Variants in TVP23A observed in about 807,000 individuals in gnomAD.
TVP23A encodes the protein Golgi apparatus membrane protein TVP23 homolog A.
Under a neutral mutation model 31.7 loss-of-function variants are expected in TVP23A, and 21 were observed. The ratio of observed to expected loss-of-function variants is 0.66; its 90% CI spans 0.47 to 0.95. The LOEUF is 0.95. Ranked by LOEUF, TVP23A falls within the 40% of genes least tolerant of loss-of-function variation. TVP23A has a pLI of 0.00. For synonymous variants in TVP23A, 104 were observed against 96.0 expected (o/e 1.08, Z -0.49); for missense variants, 279 against 255.6 (o/e 1.09, Z -0.62).
chr16:10,813,426 T>C (rs2034288724), intron 2 of TVP23A, among the ~76,000 whole-genome samples: 1 of 152,192 alleles, frequency 6.6e-6, no homozygotes, highest in Non-Finnish European at 1.5e-5. Context: ...CACTCTATAC[T>C]AGCGATTCTT....
intron 2 of TVP23A, among the ~76,000 whole-genome samples, chr16:10,801,015 C>T (rs2033669942): frequency 6.6e-6 from 1 of 152,082 alleles, no homozygotes; most frequent in Non-Finnish European, 1.5e-5. Context: ...GTTAAAAAAA[C>T]AGTATTCCTG....
chr16:10,818,375 C>T lies in TVP23A; in HGVS notation c.9+110G>A. The T allele has an allele frequency of 6.7e-7, 1 of 1,498,158 alleles. No individual in the cohort carries two copies. The highest frequency in any genetic ancestry group is 9.0e-7 in the Non-Finnish European group (1 of 1,108,122). The allele number at this position is 1,498,158 out of a possible 1,614,324, so 92.8% of individuals were successfully genotyped here. On this transcript the variant is annotated intron_variant, in intron 1 of 7. Transcript: ENST00000299866. This position sits in a 1 kb window ranked among gnomAD's most constrained non-coding sequence, Gnocchi z 4.7. ...CACCCTCCCGACCACCGGGTGCAGCCCAGCCCCAGGCCCCGGCGCATCCCT... is the reference window on the plus strand; with the variant it reads ...CACCCTCCCGACCACCGGGTGCAGCTCAGCCCCAGGCCCCGGCGCATCCCT...
intron 2 of TVP23A, among the ~76,000 whole-genome samples, chr16:10,791,567 A>G (rs1181107086): frequency 6.6e-6 from 1 of 152,160 alleles, no homozygotes; most frequent in Non-Finnish European, 1.5e-5. Context: ...GGAAAAGGCT[A>G]CCTCGGACCA....
chr16:10,815,871 C>A (rs1193465811), intron 2 of TVP23A, among the ~76,000 whole-genome samples: 4 of 152,186 alleles, frequency 2.6e-5, no homozygotes, highest in African/African-American at 7.2e-5. Context: ...TTTGCAGTGT[C>A]TTCCCTTAAA....
intron 2 of TVP23A, among the ~76,000 whole-genome samples, chr16:10,809,494 AG>A (rs2034097637): frequency 6.6e-6 from 1 of 152,384 alleles, no homozygotes; most frequent in African/African-American, 2.4e-5. Context: ...CTGTGATTCA[AG>A]GTAACCCATA....
intron 2 of TVP23A, among the ~76,000 whole-genome samples, chr16:10,807,543 C>G (rs1420980624): frequency 6.6e-6 from 1 of 152,134 alleles, no homozygotes; most frequent in African/African-American, 2.4e-5. Flanking sequence ...ATTGTCACAT[C>G]TGAGGGGTTG....
intron 2 of TVP23A, chr16:10,800,177 C>A (rs1418397678): frequency 6.6e-6 from 1 of 151,936 alleles, no homozygotes; most frequent in African/African-American, 2.4e-5. Context: ...CCTGCCTTGG[C>A]CTCCCAAAGT....
chr16:10,817,354 G>A (rs1471136884), intron 2 of TVP23A, among the ~76,000 whole-genome samples: 3 of 152,224 alleles, frequency 2.0e-5, no homozygotes, highest in East Asian at 1.9e-4. Context: ...GCCAGGGCTC[G>A]TCCCATGCCT....
chr16:10,775,755 T>C (rs2031970284), intron 2 of TVP23A, among the ~76,000 whole-genome samples: 2 of 145,418 alleles, frequency 1.4e-5, no homozygotes, highest in Middle Eastern at 3.4e-3. Context: ...TTTTTTTTTT[T>C]TTTTTTTTTT....
At chr16:10,761,133 T>G (rs1337368907), downstream of TVP23A, 1 of 420,086 alleles carries the variant, frequency 2.4e-6, no homozygotes, top group South Asian at 2.4e-5. Context: ...GCCCCCATGA[T>G]CCAATCACCT....
chr16:10,773,310 T>C lies in TVP23A; in HGVS notation c.453+3A>G. ...CAATGTGGAAGTCAAGATCTGGCCT[T>C]ACCAGCCACTTTAGCTTCAAGGAAA... On this transcript the variant is annotated splice_donor_region_variant and intron_variant, in intron 5 of 7. Transcript: ENST00000299866. 1 of 1,602,302 alleles carries C rather than the reference T, an allele frequency of 6.2e-7. No homozygotes were observed.
intron 2 of TVP23A, among the ~76,000 whole-genome samples, chr16:10,786,260 T>C (rs2032745734): frequency 6.6e-6 from 1 of 152,168 alleles, no homozygotes; most frequent in South Asian, 2.1e-4. Flanking sequence ...AATTCGGCAG[T>C]GATCTAACAA....
downstream of TVP23A, among the ~76,000 whole-genome samples, chr16:10,760,665 A>G (rs1900885397): frequency 1.3e-5 from 2 of 152,150 alleles, no homozygotes; most frequent in African/African-American, 4.8e-5. Flanking sequence ...TGAGCCCAGG[A>G]GGTCAAGGCT....
intron 2 of TVP23A, among the ~76,000 whole-genome samples, chr16:10,789,552 G>C (rs768677836): frequency 6.6e-6 from 1 of 151,714 alleles, no homozygotes; most frequent in Non-Finnish European, 1.5e-5. Context: ...ATTGGGGCTG[G>C]GTGTGGTGAT....
chr16:10,785,281 G>A lies in TVP23A; in HGVS notation c.90-10185C>T, dbSNP rs182189527. 4.6e-3 allele frequency among the ~76,000 whole-genome samples: 693 copies of A among 152,194 alleles called. 1 individual carries two copies. The highest frequency in any genetic ancestry group is 0.016 in the African/African-American group (651 of 41,510). On this transcript the variant is annotated intron_variant, in intron 2 of 7. Transcript: ENST00000299866. The stretch of plus-strand genomic sequence containing the variant: ...TAGCCAGGTTTGGTGGCGGAAGCCT[G>A]TAATCCCAGCTACTCAGGAGGCTGA...
intron 2 of TVP23A, among the ~76,000 whole-genome samples, chr16:10,808,322 A>T (rs1300527023): frequency 6.6e-6 from 1 of 152,124 alleles, no homozygotes; most frequent in East Asian, 1.9e-4. Context: ...ATGGCTAAAG[A>T]CTTCTTGAAA....
At chr16:10,802,364 C>G (rs1157341331) in intron 2 of TVP23A, among the ~76,000 whole-genome samples, 1 of 151,414 alleles carries the variant, frequency 6.6e-6, no homozygotes, top group Non-Finnish European at 1.5e-5. Flanking sequence ...ACTGCAACCT[C>G]TGCCTCCTGG....
chr16:10,761,811 G>A, downstream of TVP23A: 1 of 1,614,038 alleles, frequency 6.2e-7, no homozygotes. Context: ...CATGTGCCAG[G>A]ACTTGGAGGT....
chr16:10,761,677 T>C, downstream of TVP23A: 1 of 1,189,204 alleles, frequency 8.4e-7, no homozygotes, highest in Admixed American at 2.4e-5. Context: ...TTTTTTTTTT[T>C]TAAGTTTCTT....
Sources: gnomAD v4.1 joint callset for allele counts (sites outside exome capture counted in the v4.1 genomes callset) on GRCh38, gnomAD v4.1.1 for gene constraint, Gnocchi (gnomAD v3.1) non-coding constraint, MANE v1.5 for transcripts, NCBI Gene and HGNC (gene_info 2026-07-23, HGNC 2026-07-21) for gene names.